The following MRPL38 variants were observed in gnomAD, a reference collection of about 807,000 sequenced individuals.
The protein encoded by MRPL38 is mitochondrial ribosomal protein L38.
MRPL38 carries 51 observed loss-of-function variants against 52.1 expected under a neutral mutation model. That is an observed-to-expected ratio of 0.98 (90% CI 0.78 to 1.24). The LOEUF (loss-of-function observed/expected upper bound fraction) is 1.24. Ranked by LOEUF, MRPL38 falls within the 50% of genes most tolerant of loss-of-function variation. MRPL38 has a pLI of 0.00. For missense variants in MRPL38, 527 were observed against 518.6 expected (o/e 1.02, Z -0.16); for synonymous variants, 245 against 212.7 (o/e 1.15, Z -1.32).
intron 6 of MRPL38, 197 bp from the exon 7 acceptor site, chr17:75,899,871 G>T: frequency 2.5e-6 from 1 of 401,934 alleles, no homozygotes; most frequent in African/African-American, 2.1e-5. Flanking sequence ...GGCTGGAGGA[G>T]CTCCGAGTGG....
In MRPL38 at chr17:75,904,628, G is replaced by A. The variant is rs376259807; in HGVS notation, c.159C>T (p.Ser53=). 3.4e-5 allele frequency: 54 copies of A among 1,595,074 alleles called. 1 individual carries two copies. The African/African-American group carries it at 6.9e-4, about 21-fold the overall frequency. Residue 53 remains serine (S), a synonymous_variant, in exon 2 of 9, where the codon AGC becomes AGT. Transcript: ENST00000309352. ...SNLERLEKYR[S]FDRYRRRAEQ... The stretch of plus-strand genomic sequence containing the variant: ...CTGCTCGGCGCCGGTAGCGGTCGAA[G>A]CTCCGGTACTTCTCCAGCCGCTCCA...
rs781140840 is a variant in MRPL38 at position 75,901,825 on chromosome 17, C to T, written c.478G>A (p.Asp160Asn). 37 of 1,613,424 alleles carry T rather than the reference C, an allele frequency of 2.3e-5. No homozygotes were observed. The highest frequency in any genetic ancestry group is 2.7e-5 in the African/African-American group (2 of 74,912). Residue 160 changes from aspartate (D) to asparagine (N), a missense_variant, in exon 4 of 9, where the codon GAC (aspartate) becomes AAC (asparagine). Coordinates refer to ENST00000309352, the MANE Select transcript of MRPL38 (RefSeq NM_032478.4). This position sits in a 1 kb window ranked among gnomAD's most constrained non-coding sequence, Gnocchi z 5.7. ...RLAEYYGLYR[D>N]LFHGATFVPR... is the part of the protein sequence containing the mutation. ...ACAAAGGTGGCACCGTGGAACAGGT[C>T]TCGGTAGAGGCCGTAATACTCAGCC...
chr17:75,899,048 T>C, intron 8 of MRPL38, 62 bp from the exon 9 acceptor site: 1 of 1,536,128 alleles, frequency 6.5e-7, no homozygotes, highest in Non-Finnish European at 8.8e-7. Context: ...GGCTGAGGCC[T>C]GCCCACCAGG....
At position 75,898,821 on chromosome 17, in the gene MRPL38, A is replaced by T; in HGVS notation, c.*29T>A. On this transcript the variant is annotated 3_prime_UTR_variant, in exon 9 of 9. Transcript: ENST00000309352. ...TTTACTCTTGCTGCCGATCAATCCC[A>T]TGCTCTGAAATGCGCACACTCTGGC... 6.2e-7 allele frequency: 1 copy of T among 1,610,542 alleles called. No homozygotes were observed. Among genetic ancestry groups the T allele is most frequent in the Non-Finnish European group, 8.5e-7 (1 of 1,179,018 alleles).
At chr17:75,904,772 C>CTTA in intron 1 of MRPL38, 37 bp downstream of exon 1, 2 of 51,046 alleles carry the variant, frequency 3.9e-5, no homozygotes, top group Non-Finnish European at 5.1e-5. Context: ...GGGCGACAGC[C>CTTA]CCCCCCCCCC....
chr17:75,904,769 A>AGGGGGGGGGGGGGGGGGG, intron 1 of MRPL38, 40 bp downstream of exon 1: 1 of 454,470 alleles, frequency 2.2e-6, no homozygotes. Context: ...CTCGGGCGAC[A>AGGGGGGGGGGGGGGGGGG]GCCCCCCCCC....
intron 8 of MRPL38, 80 bp downstream of exon 8, chr17:75,899,078 C>A: frequency 6.5e-7 from 1 of 1,537,948 alleles, no homozygotes; most frequent in Non-Finnish European, 8.7e-7. Flanking sequence ...CAGCCTTCCC[C>A]TAACAAAGCT....
At position 75,898,712 on chromosome 17, in the gene MRPL38, C is replaced by T. The variant is rs924471741; in HGVS notation, c.*138G>A. 1.2e-4 allele frequency: 120 copies of T among 991,790 alleles called. No individual in the cohort carries two copies. Among genetic ancestry groups the T allele is most frequent in the Non-Finnish European group, 1.7e-4 (113 of 672,608 alleles). The allele number at this position is 991,790 out of a possible 1,614,324, so 61.4% of individuals were successfully genotyped here. A position where few individuals can be genotyped will look rare whatever the true frequency, so the allele number is the denominator to read the frequency against. On this transcript the variant is annotated 3_prime_UTR_variant, in exon 9 of 9. Coordinates refer to ENST00000309352, the MANE Select transcript of MRPL38 (RefSeq NM_032478.4). The stretch of plus-strand genomic sequence containing the variant: ...CTGAGAGTCACTTTCACTCCAAGCC[C>T]TGGGCCTGACGGGAGGGGGCCAAAG...
chr17:75,898,741 G>C lies in MRPL38; in HGVS notation c.*109C>G. On this transcript the variant is annotated 3_prime_UTR_variant, in exon 9 of 9. Transcript: ENST00000309352. The stretch of plus-strand genomic sequence containing the variant: ...GCCTGACGGGAGGGGGCCAAAGAGG[G>C]GGGCTGCCTAAGGCAGGGCCCAGAC... 1 of 1,391,994 alleles carries C rather than the reference G, an allele frequency of 7.2e-7. No individual in the cohort carries two copies. Among genetic ancestry groups the C allele is most frequent in the Non-Finnish European group, 9.8e-7 (1 of 1,016,386 alleles). The allele number at this position is 1,391,994 out of a possible 1,614,324, so 86.2% of individuals were successfully genotyped here.
In MRPL38 at chr17:75,901,181, G is replaced by C; in HGVS notation, c.664+20C>G. The stretch of plus-strand genomic sequence containing the variant: ...AGGAGGTGAGCGGGGCAGGAGGCCT[G>C]GTGAGCCCCAGACACCCACCCAAGC... On this transcript the variant is annotated intron_variant, in intron 5 of 8. Transcript: ENST00000309352. This position sits in a 1 kb window ranked among gnomAD's most constrained non-coding sequence, Gnocchi z 5.7. The C allele has an allele frequency of 6.2e-7, 1 of 1,612,852 alleles. No homozygotes were observed. Among genetic ancestry groups the C allele is most frequent in the Non-Finnish European group, 8.5e-7 (1 of 1,179,584 alleles).
Position 75,901,751 on chromosome 17 carries a change from C to T in MRPL38, c.552G>A (p.Leu184=), listed in dbSNP as rs960531852. The T allele has an allele frequency of 1.9e-6, 3 of 1,613,672 alleles. No homozygotes were observed. The Admixed American group carries it at 5.0e-5, about 27-fold the overall frequency. The change falls in exon 4 of 9, where the codon CTG becomes CTA. Residue 184 remains leucine (L), a synonymous_variant. Coordinates refer to ENST00000309352, the MANE Select transcript of MRPL38 (RefSeq NM_032478.4). The surrounding 1 kb of genome is among the most constrained non-coding windows in gnomAD (Gnocchi z 5.7). ...CCTCATTGCCACAGTACACAGGCAT[C>T]AGGTCATCCTCACCCACAGCGTAGG... ...HVAYAVGEDD[L]MPVYCGNEVT...
chr17:75,904,242 A>T, intron 2 of MRPL38: 1 of 579,644 alleles, frequency 1.7e-6, no homozygotes, highest in Non-Finnish European at 3.4e-6. Flanking sequence ...TTTGAGGCGC[A>T]CAGAACGGCA....
chr17:75,901,838 G>A lies in MRPL38; in HGVS notation c.465C>T (p.Tyr155=), dbSNP rs979017469. ...PYHKQRLAEY[Y]GLYRDLFHGA... The stretch of plus-strand genomic sequence containing the variant: ...CGTGGAACAGGTCTCGGTAGAGGCC[G>A]TAATACTCAGCCAGACGCTGCTTGT... Residue 155 remains tyrosine (Y), a synonymous_variant, in exon 4 of 9, where the codon TAC becomes TAT. Transcript: ENST00000309352. This position sits in a 1 kb window ranked among gnomAD's most constrained non-coding sequence, Gnocchi z 5.7. 8.1e-6 allele frequency: 13 copies of A among 1,612,966 alleles called. No individual in the cohort carries two copies. Among genetic ancestry groups the A allele is most frequent in the Non-Finnish European group, 9.3e-6 (11 of 1,179,752 alleles).
chr17:75,899,348 C>T (rs2065393326), intron 7 of MRPL38, 54 bp from the exon 8 acceptor site: 1 of 1,582,688 alleles, frequency 6.3e-7, no homozygotes, highest in Non-Finnish European at 8.6e-7. Flanking sequence ...CAGAGCCCCT[C>T]ACCCCGCCAC....
chr17:75,899,607 CA>C lies in MRPL38; in HGVS notation c.777del (p.Ala260ProfsTer52), dbSNP rs1567852465. ...QVTCPYLPPF[P>X]ARGSGIHRLA... ...AGACGGTGGATGCCGGAGCCTCGGG[CA>C]GGGAAGGGGGGGAGGTAGGGACACG... On this transcript the variant is annotated frameshift_variant, in exon 7 of 9. Coordinates refer to ENST00000309352, the MANE Select transcript of MRPL38 (RefSeq NM_032478.4). LOFTEE classifies it high-confidence loss of function. The C allele has an allele frequency of 6.2e-7, 1 of 1,606,596 alleles. No homozygotes were observed. Among genetic ancestry groups the C allele is most frequent in the South Asian group, 1.1e-5 (1 of 90,288 alleles).
chr17:75,898,853 G>A lies in MRPL38; in HGVS notation c.1140C>T (p.Tyr380=), dbSNP rs150339763. ...RDSHEPTYGI[Y] is the part of the protein sequence containing the mutation. ...GAAATGCGCACACTCTGGCTCCTTA[G>A]TAGATGCCATAGGTGGGCTCATGAC... The change falls in exon 9 of 9, where the codon TAC becomes TAT. Residue 380 remains tyrosine (Y), a synonymous_variant. Coordinates refer to ENST00000309352, the MANE Select transcript of MRPL38 (RefSeq NM_032478.4). 3.5e-5 allele frequency: 57 copies of A among 1,611,974 alleles called. No homozygotes were observed. The African/African-American group carries it at 7.2e-4, about 20-fold the overall frequency.
chr17:75,904,770 G>GGGGGGGGGCCCCCCCC, intron 1 of MRPL38, 39 bp downstream of exon 1: 2 of 500,008 alleles, frequency 4.0e-6, no homozygotes, highest in Non-Finnish European at 5.6e-6. Flanking sequence ...TCGGGCGACA[G>GGGGGGGGGCCCCCCCC]CCCCCCCCCC....
At position 75,901,083 on chromosome 17, in the gene MRPL38, C is replaced by G. The variant is rs947919806; in HGVS notation, c.665-56G>C. 2.9e-5 allele frequency: 47 copies of G among 1,598,144 alleles called. No homozygotes were observed. The highest frequency in any genetic ancestry group is 3.3e-4 in the Middle Eastern group (2 of 6,058). On this transcript the variant is annotated intron_variant, in intron 5 of 8. Coordinates refer to ENST00000309352, the MANE Select transcript of MRPL38 (RefSeq NM_032478.4). The surrounding 1 kb of genome is among the most constrained non-coding windows in gnomAD (Gnocchi z 5.7). ...CCAGCCGACCACGGCCCTGCCACCCCCTCCCTTGTTAGGAGCCAGCGCTGG... is the reference window on the plus strand; with the variant it reads ...CCAGCCGACCACGGCCCTGCCACCCGCTCCCTTGTTAGGAGCCAGCGCTGG...
In MRPL38 at chr17:75,898,750, T is replaced by C. The variant is rs1414721916; in HGVS notation, c.*100A>G. 7 of 1,479,938 alleles carry C rather than the reference T, an allele frequency of 4.7e-6. No individual in the cohort carries two copies. The African/African-American group carries it at 8.3e-5, about 18-fold the overall frequency. 91.7% of individuals were successfully genotyped at this position (1,479,938 alleles called of 1,614,324 possible). A position where few individuals can be genotyped will look rare whatever the true frequency, so the allele number is the denominator to read the frequency against. ...GAGGGGGCCAAAGAGGGGGGCTGCC[T>C]AAGGCAGGGCCCAGACCCCACAGTG... is the stretch of plus-strand genomic sequence containing the variant. On this transcript the variant is annotated 3_prime_UTR_variant, in exon 9 of 9. Transcript: ENST00000309352.
Sources: gnomAD v4.1 joint callset for allele counts on GRCh38, gnomAD v4.1.1 for gene constraint, Gnocchi (gnomAD v3.1) non-coding constraint, MANE v1.5 for transcripts, NCBI Gene and HGNC (gene_info 2026-07-23, HGNC 2026-07-21) for gene names.